Variants in RAB3C observed in about 807,000 individuals in gnomAD.
The protein encoded by RAB3C is RAB3C, member RAS oncogene family, also known as ras-related protein Rab-3C.
RAB3C carries 17 observed loss-of-function variants against 26.4 expected under a neutral mutation model. The ratio of observed to expected loss-of-function variants is 0.64; its 90% CI spans 0.44 to 0.97. RAB3C has a LOEUF of 0.97. Among genes scored for constraint, RAB3C ranks in the 50% least tolerant of loss-of-function variants. RAB3C has a pLI of 0.00. For synonymous variants in RAB3C, 91 were observed against 95.9 expected, an observed-to-expected ratio of 0.95 and a Z score of 0.30; for missense variants, 242 against 281.9, an observed-to-expected ratio of 0.86 and a Z score of 1.01.
intron 4 of RAB3C, among the ~76,000 whole-genome samples, chr5:58,844,156 T>G (rs1743937065): frequency 6.6e-6 from 1 of 152,152 alleles, no homozygotes; most frequent in African/African-American, 2.4e-5. Flanking sequence ...ATGCAAAGTT[T>G]CTTTCTGGGG....
chr5:58,828,415 G>A (rs1226887231), intron 4 of RAB3C, among the ~76,000 whole-genome samples: 3 of 151,946 alleles, frequency 2.0e-5, no homozygotes, highest in Admixed American at 2.0e-4. Context: ...AGTTTCCTTG[G>A]TAGACTCCTC....
At chr5:58,708,077 A>G (rs1748983128) in intron 2 of RAB3C, among the ~76,000 whole-genome samples, 1 of 151,132 alleles carries the variant, frequency 6.6e-6, no homozygotes, top group Non-Finnish European at 1.5e-5. Context: ...TGTAGCCTCA[A>G]ACTCCTGGGT....
chr5:58,683,811 G>A (rs530856784), intron 2 of RAB3C, among the ~76,000 whole-genome samples: 31 of 152,254 alleles, frequency 2.0e-4, no homozygotes, highest in African/African-American at 6.5e-4. Flanking sequence ...AGTGGCTACT[G>A]TGGTTATCAG....
chr5:58,639,300 T>A (rs1561275309), intron 2 of RAB3C, among the ~76,000 whole-genome samples: 1 of 152,218 alleles, frequency 6.6e-6, no homozygotes, highest in East Asian at 1.9e-4. Context: ...ATCTTTACAT[T>A]GTCTTTTTCT....
chr5:58,660,045 TCCGCCCGCCTCGGCC>T (rs1168628979), intron 2 of RAB3C, among the ~76,000 whole-genome samples: 2,957 of 147,912 alleles, frequency 0.02, 240 homozygotes, highest in African/African-American at 0.074. Flanking sequence ...ACTCAAGCAA[TCCGCCCGCCTCGGCC>T]TCCCAAAGTG....
At chr5:58,662,839 G>T (rs1579844677) in intron 2 of RAB3C, among the ~76,000 whole-genome samples, 1 of 150,358 alleles carries the variant, frequency 6.7e-6, no homozygotes, top group South Asian at 2.1e-4. Context: ...TTTGGATGAT[G>T]GATATGCTCT....
At chr5:58,599,229 T>C (rs541430933) in intron 1 of RAB3C, among the ~76,000 whole-genome samples, 2 of 152,216 alleles carry the variant, frequency 1.3e-5, no homozygotes, top group African/African-American at 4.8e-5. Flanking sequence ...ACTTTAGAAA[T>C]AGAAAATAGG....
At chr5:58,640,643 C>T (rs772041212) in intron 2 of RAB3C, among the ~76,000 whole-genome samples, 22 of 152,098 alleles carry the variant, frequency 1.4e-4, no homozygotes, top group Non-Finnish European at 2.1e-4. Flanking sequence ...TAAGATGCCA[C>T]TGAAATATCT....
intron 3 of RAB3C, among the ~76,000 whole-genome samples, chr5:58,758,821 T>C (rs1428434659): frequency 1.3e-5 from 2 of 152,190 alleles, no homozygotes; most frequent in African/African-American, 2.4e-5. Context: ...TCATGAATGT[T>C]TGAGTGGTGC....
Position 58,687,866 on chromosome 5 carries a change from T to C in RAB3C, c.253-38136T>C, listed in dbSNP as rs542339366. Reference sequence around the variant, plus strand: ...TTTGTATTCTTCAGTTTATGAAACCTTGGACTTAGACCATCAAAAATTTGT... The same window carrying C: ...TTTGTATTCTTCAGTTTATGAAACCCTGGACTTAGACCATCAAAAATTTGT... On this transcript the variant is annotated intron_variant, in intron 2 of 4. Coordinates refer to ENST00000282878, the MANE Select transcript of RAB3C (RefSeq NM_138453.4). Among the ~76,000 whole-genome samples the C allele has an allele frequency of 2.0e-5, 3 of 152,236 alleles. No homozygotes were observed. In the East Asian group the frequency reaches 5.8e-4, roughly 29 times the overall value.
At chr5:58,677,282 T>C (rs1056086319) in intron 2 of RAB3C, among the ~76,000 whole-genome samples, 3 of 152,358 alleles carry the variant, frequency 2.0e-5, no homozygotes, top group African/African-American at 7.2e-5. Context: ...AGGGTTATAT[T>C]CTGAGGCACT....
chr5:58,835,257 C>T (rs756703908), intron 4 of RAB3C, among the ~76,000 whole-genome samples: 1 of 152,146 alleles, frequency 6.6e-6, no homozygotes, highest in Non-Finnish European at 1.5e-5. Context: ...TCTGGCACAT[C>T]GCTATTTTAC....
chr5:58,586,602 T>G (rs1351750462), intron 1 of RAB3C, among the ~76,000 whole-genome samples: 2 of 152,172 alleles, frequency 1.3e-5, no homozygotes, highest in Non-Finnish European at 2.9e-5. Context: ...TGGAATTCAT[T>G]GTCTCTGACT....
chr5:58,760,487 G>A (rs1309252439), intron 3 of RAB3C, among the ~76,000 whole-genome samples: 2 of 152,088 alleles, frequency 1.3e-5, no homozygotes, highest in Non-Finnish European at 2.9e-5. Flanking sequence ...TTAGCATGGC[G>A]GCTCACTGTA....
At chr5:58,658,893 T>TA (rs903089392) in intron 2 of RAB3C, among the ~76,000 whole-genome samples, 8 of 152,176 alleles carry the variant, frequency 5.3e-5, no homozygotes, top group Non-Finnish European at 7.3e-5. Flanking sequence ...CAAGGCTTCT[T>TA]AAGATCTAGA....
chr5:58,704,779 T>C (rs1432487561), intron 2 of RAB3C, among the ~76,000 whole-genome samples: 1 of 152,152 alleles, frequency 6.6e-6, no homozygotes, highest in East Asian at 1.9e-4. Flanking sequence ...AATTTCTGTA[T>C]CTTTTATTCA....
Position 58,668,410 on chromosome 5 carries a change from A to C in RAB3C, c.252+50540A>C, listed in dbSNP as rs568973334. ...AGAATCTAGCTTTAAATTAGATTTA[A>C]TATCAGACTGAAATTCTAGTCAATT... On this transcript the variant is annotated intron_variant, in intron 2 of 4. Transcript: ENST00000282878. Among the ~76,000 whole-genome samples the C allele has an allele frequency of 1.9e-3, 285 of 152,324 alleles. 1 individual carries two copies. The highest frequency in any genetic ancestry group is 3.2e-3 in the Non-Finnish European group (215 of 68,018).
At chr5:58,754,893 T>A (rs948437119) in intron 3 of RAB3C, among the ~76,000 whole-genome samples, 2 of 151,858 alleles carry the variant, frequency 1.3e-5, no homozygotes, top group Non-Finnish European at 2.9e-5. Context: ...TCCTTTTTTT[T>A]TTCTTCTGCA....
intron 3 of RAB3C, among the ~76,000 whole-genome samples, chr5:58,769,424 T>G (rs191297835): frequency 6.5e-4 from 99 of 152,262 alleles, no homozygotes; most frequent in African/African-American, 2.3e-3. Context: ...TGGGGCAGTG[T>G]GCACTGAACA....
Sources: gnomAD v4.1 joint callset for allele counts (sites outside exome capture counted in the v4.1 genomes callset) on GRCh38, gnomAD v4.1.1 for gene constraint, MANE v1.5 for transcripts, NCBI Gene and HGNC (gene_info 2026-07-23, HGNC 2026-07-21) for gene names.